TAFA1: variants seen among roughly 807,000 people sequenced by gnomAD.
TAFA1 encodes the protein chemokine-like protein TAFA-1.
A neutral mutation model predicts 18.5 loss-of-function variants in TAFA1; 4 were observed. The observed-to-expected ratio is 0.22, with a 90% CI of 0.11 to 0.49. The LOEUF is 0.49. Ranked by LOEUF, TAFA1 falls within the 20% of genes least tolerant of loss-of-function variation. The pLI is 0.98. For synonymous variants in TAFA1, 56 were observed against 55.2 expected, an observed-to-expected ratio of 1.01 and a Z score of -0.06; for missense variants, 147 against 169.0, an observed-to-expected ratio of 0.87 and a Z score of 0.72.
At chr3:68,334,354 TTTGTTG>T (rs146423738) in intron 2 of TAFA1, among the ~76,000 whole-genome samples, 1 of 150,144 alleles carries the variant, frequency 6.7e-6, no homozygotes, top group South Asian at 2.2e-4. Flanking sequence ...CTATATTTCT[TTTGTTG>T]TTGTTGTTGT....
chr3:68,458,253 T>G (rs914302812), intron 3 of TAFA1, among the ~76,000 whole-genome samples: 1 of 152,080 alleles, frequency 6.6e-6, no homozygotes, highest in African/African-American at 2.4e-5. Context: ...CACTTTACCT[T>G]CCACCATGAT....
intron 2 of TAFA1, among the ~76,000 whole-genome samples, chr3:68,376,643 A>T (rs1343233435): frequency 6.6e-6 from 1 of 152,024 alleles, no homozygotes; most frequent in Non-Finnish European, 1.5e-5. Flanking sequence ...CATCTTGTTT[A>T]TCCAGTCTAC....
At chr3:68,057,398 T>C (rs1468687750) in intron 2 of TAFA1, among the ~76,000 whole-genome samples, 1 of 152,208 alleles carries the variant, frequency 6.6e-6, no homozygotes, top group Non-Finnish European at 1.5e-5. Flanking sequence ...ACATTAATCA[T>C]TTTACTGCAT....
intron 2 of TAFA1, among the ~76,000 whole-genome samples, chr3:68,149,971 A>C (rs2065786063): frequency 1.3e-5 from 2 of 152,104 alleles, no homozygotes; most frequent in African/African-American, 4.8e-5. Flanking sequence ...CCACCTGAAA[A>C]GCTGTATTTA....
intron 4 of TAFA1, among the ~76,000 whole-genome samples, chr3:68,540,982 C>T (rs929345499): frequency 6.6e-6 from 1 of 152,142 alleles, no homozygotes; most frequent in African/African-American, 2.4e-5. Context: ...CCATTTGCTA[C>T]CTCCCTGGGT....
chr3:68,404,236 T>C (rs557593615), intron 2 of TAFA1, among the ~76,000 whole-genome samples: 1 of 152,258 alleles, frequency 6.6e-6, no homozygotes, highest in South Asian at 2.1e-4. Flanking sequence ...CAAAATTCAA[T>C]CTCAAACACT....
intron 2 of TAFA1, among the ~76,000 whole-genome samples, chr3:68,329,710 G>A (rs1448830872): frequency 6.6e-6 from 1 of 152,156 alleles, no homozygotes; most frequent in Non-Finnish European, 1.5e-5. Context: ...TTACACTTTG[G>A]AAGAGTTTTA....
At chr3:68,404,490 C>G (rs951038465) in intron 2 of TAFA1, among the ~76,000 whole-genome samples, 1 of 151,870 alleles carries the variant, frequency 6.6e-6, no homozygotes, top group Non-Finnish European at 1.5e-5. Context: ...GTGGGCAGTT[C>G]TCCTATAGGA....
chr3:67,994,382 G>C, the TAFA1 span, among the ~76,000 whole-genome samples: 1 of 152,284 alleles, frequency 6.6e-6, no homozygotes, highest in Non-Finnish European at 1.5e-5. Context: ...TTGAATCTTA[G>C]TCTGTTTATT....
At chr3:68,153,765 C>G (rs1344787661) in intron 2 of TAFA1, among the ~76,000 whole-genome samples, 1 of 152,072 alleles carries the variant, frequency 6.6e-6, no homozygotes, top group Non-Finnish European at 1.5e-5. Context: ...ATATGACTCC[C>G]CTGAATTAGT....
At chr3:68,352,577 T>C (rs576395618) in intron 2 of TAFA1, among the ~76,000 whole-genome samples, 1 of 152,170 alleles carries the variant, frequency 6.6e-6, no homozygotes, top group Non-Finnish European at 1.5e-5. Flanking sequence ...TCTGTCTGTA[T>C]AGAAAAGAAG....
chr3:68,402,308 A>T (rs1575836753), intron 2 of TAFA1, among the ~76,000 whole-genome samples: 1 of 152,182 alleles, frequency 6.6e-6, no homozygotes, highest in Admixed American at 6.5e-5. Context: ...TCAAGCACAG[A>T]TGGTCCCAGG....
intron 2 of TAFA1, among the ~76,000 whole-genome samples, chr3:68,020,115 G>T (rs928809035): frequency 2.0e-5 from 3 of 152,224 alleles, no homozygotes; most frequent in African/African-American, 7.2e-5. Context: ...GATGAAACAT[G>T]TTGTCTGTTC....
intron 2 of TAFA1, among the ~76,000 whole-genome samples, chr3:68,343,020 A>G (rs911534607): frequency 6.6e-6 from 1 of 152,190 alleles, no homozygotes; most frequent in African/African-American, 2.4e-5. Context: ...AGTGCCTGTC[A>G]GGTTGCACTT....
intron 3 of TAFA1, among the ~76,000 whole-genome samples, chr3:68,458,686 A>C (rs965240130): frequency 6.6e-6 from 1 of 152,206 alleles, no homozygotes; most frequent in African/African-American, 2.4e-5. Context: ...TGACATTTCC[A>C]GATGTCTTAT....
intron 3 of TAFA1, among the ~76,000 whole-genome samples, chr3:68,431,350 C>T (rs1027625250): frequency 1.3e-5 from 2 of 151,896 alleles, no homozygotes; most frequent in Non-Finnish European, 2.9e-5. Context: ...CCTTAGCAGC[C>T]CTTATGCAAG....
At chr3:68,412,956 A>T (rs374642435) in intron 2 of TAFA1, among the ~76,000 whole-genome samples, 1 of 151,574 alleles carries the variant, frequency 6.6e-6, no homozygotes, top group East Asian at 1.9e-4. Flanking sequence ...TGCCACACTG[A>T]CTTCCACAAT....
chr3:68,525,633 T>C (rs901649878), intron 3 of TAFA1, among the ~76,000 whole-genome samples: 1 of 152,208 alleles, frequency 6.6e-6, no homozygotes, highest in African/African-American at 2.4e-5. Context: ...GCCAAATGAC[T>C]GAAGTAATCA....
chr3:68,266,207 G>A (rs2067543178), intron 2 of TAFA1, among the ~76,000 whole-genome samples: 1 of 152,154 alleles, frequency 6.6e-6, no homozygotes. Context: ...TTAATTTACA[G>A]CCAGGATGGT....
Sources: gnomAD v4.1 joint callset for allele counts (sites outside exome capture counted in the v4.1 genomes callset) on GRCh38, gnomAD v4.1.1 for gene constraint, MANE v1.5 for transcripts, NCBI Gene and HGNC (gene_info 2026-07-23, HGNC 2026-07-21) for gene names.